Variants in TCERG1 observed in about 807,000 individuals in gnomAD.
The protein encoded by TCERG1 is transcription elongation regulator 1.
Under a neutral mutation model 144.7 loss-of-function variants are expected in TCERG1, and 37 were observed. The observed-to-expected ratio is 0.26, with a 90% CI of 0.20 to 0.34. TCERG1 has a LOEUF of 0.34. Ranked by LOEUF, TCERG1 falls within the 10% of genes least tolerant of loss-of-function variation. TCERG1 has a pLI of 1.00. For missense variants in TCERG1, 1,027 were observed against 1,380.7 expected, an observed-to-expected ratio of 0.74 and a Z score of 4.06; for synonymous variants, 492 against 458.2, an observed-to-expected ratio of 1.07 and a Z score of -0.94.
intron 15 of TCERG1, among the ~76,000 whole-genome samples, chr5:146,491,585 G>A (rs1174707476): frequency 1.3e-5 from 2 of 152,042 alleles, no homozygotes; most frequent in Non-Finnish European, 2.9e-5. Flanking sequence ...CTGGCTGGAG[G>A]GCACAGATCT....
rs370185040 is a variant in TCERG1 at position 146,471,580 on chromosome 5, T to C, written c.1601+4T>C. On this transcript the variant is annotated splice_donor_region_variant and intron_variant, in intron 9 of 22. Transcript: ENST00000679501. ...CTCCTATTCCTGGTACTCCATGGTATGTATTTGGCTCAAGTAGTAATTTTT... is the reference window on the plus strand; with the variant it reads ...CTCCTATTCCTGGTACTCCATGGTACGTATTTGGCTCAAGTAGTAATTTTT... 4 of 1,607,388 alleles carry C rather than the reference T, an allele frequency of 2.5e-6. No individual in the cohort carries two copies. Among genetic ancestry groups the C allele is most frequent in the Non-Finnish European group, 3.4e-6 (4 of 1,177,906 alleles).
chr5:146,511,893 AT>A lies in TCERG1; in HGVS notation c.*1252del, dbSNP rs1020005718. 6.6e-6 allele frequency: 1 copy of A among 151,658 alleles called. No homozygotes were observed. Among genetic ancestry groups the A allele is most frequent in the African/African-American group, 2.4e-5 (1 of 41,284 alleles). The allele number at this position is 151,658 out of a possible 1,614,324, so 9.4% of individuals were successfully genotyped here. On this transcript the variant is annotated 3_prime_UTR_variant, in exon 23 of 23. Coordinates refer to ENST00000679501, the MANE Select transcript of TCERG1 (RefSeq NM_001382548.1). ...GCTTTACCTCCCGAGTTAAAAAAAA[AT>A]CTTTTTATTTTATGCCTTCATAGGT...
At chr5:146,502,854 T>G (rs1331108275) in intron 17 of TCERG1, among the ~76,000 whole-genome samples, 2 of 152,156 alleles carry the variant, frequency 1.3e-5, no homozygotes, top group Non-Finnish European at 2.9e-5. Context: ...TTTCAGACAT[T>G]TGACAGTATA....
rs954115152 is a variant in TCERG1 at position 146,469,713 on chromosome 5, C to G, written c.1368C>G (p.Thr456=). 6.8e-6 allele frequency: 11 copies of G among 1,608,132 alleles called. No homozygotes were observed. The highest frequency in any genetic ancestry group is 9.3e-6 in the Non-Finnish European group (11 of 1,177,466). Residue 456 remains threonine, a synonymous_variant, in exon 7 of 23, where the codon ACC becomes ACG. Coordinates refer to ENST00000679501, the MANE Select transcript of TCERG1 (RefSeq NM_001382548.1). ...ATAATAATAGAACATTAGAATCAAC[C>G]TGGGAAAAACCCCAAGAACTAAAGG... ...YYYNNRTLES[T]WEKPQELKEK...
At chr5:146,467,154 A>G (rs1763869204) in intron 5 of TCERG1, among the ~76,000 whole-genome samples, 1 of 152,268 alleles carries the variant, frequency 6.6e-6, no homozygotes, top group South Asian at 2.1e-4. Flanking sequence ...AATAGTAATT[A>G]AGAAATAAAG....
chr5:146,460,663 G>A (rs537850727), intron 4 of TCERG1, among the ~76,000 whole-genome samples: 4 of 152,270 alleles, frequency 2.6e-5, no homozygotes, highest in East Asian at 1.9e-4. Context: ...TTGATAAAAA[G>A]CAACTGAAGC....
chr5:146,459,461 C>T, intron 4 of TCERG1, 124 bp downstream of exon 4: 1 of 1,474,924 alleles, frequency 6.8e-7, no homozygotes. Flanking sequence ...ATTTAAAATA[C>T]ATTTTTGACA....
intron 1 of TCERG1, 113 bp downstream of exon 1, chr5:146,447,521 C>A: frequency 7.1e-7 from 1 of 1,401,548 alleles, no homozygotes; most frequent in Non-Finnish European, 9.7e-7. Context: ...GCCGGGCGGC[C>A]CGGGCCGGGA....
chr5:146,454,411 G>A (rs557941217), intron 1 of TCERG1, among the ~76,000 whole-genome samples: 1 of 151,958 alleles, frequency 6.6e-6, no homozygotes, highest in African/African-American at 2.4e-5. Context: ...TTATTACGTA[G>A]ATTATGTAGA....
In TCERG1 at chr5:146,510,659, A is replaced by T. The variant is rs574535401; in HGVS notation, c.*17A>T. 1.9e-6 allele frequency: 3 copies of T among 1,603,716 alleles called. No individual in the cohort carries two copies. Among genetic ancestry groups the T allele is most frequent in the Non-Finnish European group, 1.7e-6 (2 of 1,174,558 alleles). On this transcript the variant is annotated 3_prime_UTR_variant, in exon 23 of 23. Coordinates refer to ENST00000679501, the MANE Select transcript of TCERG1 (RefSeq NM_001382548.1). The stretch of plus-strand genomic sequence containing the variant: ...ACAAAATAATTCTAAATACTCTTCC[A>T]TAGGGGCATCTATTCAAAATGCTTG...
intron 15 of TCERG1, among the ~76,000 whole-genome samples, chr5:146,487,203 A>G (rs538648242): frequency 3.3e-5 from 5 of 152,324 alleles, no homozygotes; most frequent in Non-Finnish European, 5.9e-5. Flanking sequence ...AAGCAATCCC[A>G]TTTACAATAG....
At chr5:146,465,597 C>G (rs140753800) in intron 5 of TCERG1, among the ~76,000 whole-genome samples, 1 of 151,960 alleles carries the variant, frequency 6.6e-6, no homozygotes, top group Non-Finnish European at 1.5e-5. Context: ...TTTGAGTCAC[C>G]AAATGAAGCA....
At chr5:146,451,206 C>CT (rs1762311905) in intron 1 of TCERG1, among the ~76,000 whole-genome samples, 3 of 151,482 alleles carry the variant, frequency 2.0e-5, no homozygotes, top group South Asian at 2.1e-4. Flanking sequence ...TGGTGATTAT[C>CT]TTTTTTTTGC....
intron 12 of TCERG1, chr5:146,480,373 G>T: frequency 4.7e-6 from 1 of 214,878 alleles, no homozygotes. Context: ...TCAATTTTAT[G>T]AAAAGTTAGT....
chr5:146,482,890 A>T (rs1765487724), intron 14 of TCERG1, among the ~76,000 whole-genome samples, 163 bp downstream of exon 14: 1 of 152,184 alleles, frequency 6.6e-6, no homozygotes, highest in Admixed American at 6.5e-5. Context: ...TTCTTGGCTA[A>T]TCTTATCATA....
intron 1 of TCERG1, 143 bp downstream of exon 1, chr5:146,447,551 G>C (rs1402360719): frequency 1.4e-5 from 15 of 1,065,540 alleles, no homozygotes; most frequent in Non-Finnish European, 1.9e-5. Context: ...GTTTAAGAAG[G>C]GGGAAGGGGA....
chr5:146,474,381 T>C (rs1361523382), intron 9 of TCERG1, among the ~76,000 whole-genome samples: 1 of 152,206 alleles, frequency 6.6e-6, no homozygotes, highest in Non-Finnish European at 1.5e-5. Context: ...TTGCTTCTTA[T>C]GTATGAGCAA....
At chr5:146,504,090 T>A in intron 19 of TCERG1, 84 bp downstream of exon 19, 3 of 1,236,832 alleles carry the variant, frequency 2.4e-6, no homozygotes, top group Non-Finnish European at 3.1e-6. Context: ...ATTTTAATGT[T>A]CTTTAATTCT....
intron 17 of TCERG1, 134 bp from the exon 18 acceptor site, chr5:146,503,241 C>T (rs1767645618): frequency 1.4e-6 from 1 of 723,728 alleles, no homozygotes; most frequent in Non-Finnish European, 2.2e-6. Flanking sequence ...CTCTAAATGC[C>T]TATATTTTAA....
Sources: gnomAD v4.1 joint callset for allele counts (sites outside exome capture counted in the v4.1 genomes callset) on GRCh38, gnomAD v4.1.1 for gene constraint, MANE v1.5 for transcripts, NCBI Gene and HGNC (gene_info 2026-07-23, HGNC 2026-07-21) for gene names.